The following RBFOX1 variants were observed in gnomAD, a reference collection of about 807,000 sequenced individuals.
RBFOX1 encodes the protein RNA binding fox-1 homolog 1, also known as RNA binding protein fox-1 homolog 1.
Under a neutral mutation model 57.7 loss-of-function variants are expected in RBFOX1, and 8 were observed. That is an observed-to-expected ratio of 0.14 (90% CI 0.08 to 0.25). The LOEUF is 0.25. RBFOX1 is among the 10% of genes least tolerant of loss of function. The pLI is 1.00. For missense variants in RBFOX1, 611 were observed against 548.5 expected (o/e 1.11, Z -1.14); for synonymous variants, 326 against 222.4 (o/e 1.47, Z -4.15).
intron 1 of RBFOX1, among the ~76,000 whole-genome samples, chr16:5,407,852 G>A (rs189774338): frequency 5.0e-4 from 76 of 152,344 alleles, no homozygotes; most frequent in African/African-American, 1.8e-3. Flanking sequence ...CATGGCCCAG[G>A]CCTTTGGGCT....
chr16:7,217,227 G>T (rs924101868), intron 4 of RBFOX1, among the ~76,000 whole-genome samples: 2 of 150,808 alleles, frequency 1.3e-5, no homozygotes, highest in East Asian at 1.9e-4. Context: ...CCCACAGCAG[G>T]AGTAGCTGGG....
At chr16:6,767,947 T>TAAAG (rs1410744665) in intron 3 of RBFOX1, among the ~76,000 whole-genome samples, 48 of 101,046 alleles carry the variant, frequency 4.8e-4, no homozygotes, top group Admixed American at 3.7e-3. Context: ...ATAATAATAA[T>TAAAG]AAGAAGAAGA....
At chr16:6,777,112 C>A (rs2079509091) in intron 3 of RBFOX1, among the ~76,000 whole-genome samples, 1 of 152,054 alleles carries the variant, frequency 6.6e-6, no homozygotes. Flanking sequence ...AAATACGAGT[C>A]TTGGGATTAG....
chr16:7,212,200 C>A (rs902171650), intron 4 of RBFOX1, among the ~76,000 whole-genome samples: 1 of 152,132 alleles, frequency 6.6e-6, no homozygotes, highest in African/African-American at 2.4e-5. Context: ...TGACATAGGT[C>A]TTTTAGGGTC....
At chr16:5,737,440 C>G (rs984766094) in intron 3 of RBFOX1, among the ~76,000 whole-genome samples, 2 of 151,834 alleles carry the variant, frequency 1.3e-5, no homozygotes, top group African/African-American at 2.4e-5. Context: ...GAGTCGAGAT[C>G]ATGCTGCTAC....
intron 4 of RBFOX1, among the ~76,000 whole-genome samples, chr16:5,995,638 A>G (rs1401154029): frequency 6.6e-6 from 1 of 152,224 alleles, no homozygotes; most frequent in African/African-American, 2.4e-5. Flanking sequence ...GAAATCCTGG[A>G]TGCTACAAGT....
At position 6,295,963 on chromosome 16, in the gene RBFOX1, A is replaced by G. The variant is rs773759946; in HGVS notation, c.-126-21032A>G. On this transcript the variant is annotated intron_variant, in intron 1 of 15. Coordinates refer to ENST00000550418, the MANE Select transcript of RBFOX1 (RefSeq NM_018723.4). ...AGCTATTTTATTCACATATGTCTGT[A>G]TGGTTATCATAGAGGGCAGGAATGG... Among the ~76,000 whole-genome samples the G allele has an allele frequency of 2.0e-5, 3 of 152,208 alleles. No homozygotes were observed. The East Asian group carries it at 5.8e-4, about 29-fold the overall frequency.
chr16:5,312,885 G>A (rs563079322), intron 1 of RBFOX1, among the ~76,000 whole-genome samples: 23 of 152,226 alleles, frequency 1.5e-4, no homozygotes, highest in Non-Finnish European at 2.9e-4. Context: ...GCAGATTGCA[G>A]GATCTGATTT....
chr16:6,779,208 C>T (rs1434039049), intron 3 of RBFOX1, among the ~76,000 whole-genome samples: 9 of 152,008 alleles, frequency 5.9e-5, no homozygotes, highest in Non-Finnish European at 5.9e-5. Context: ...CATTATTCTA[C>T]TCTGTATCTC....
chr16:6,002,895 C>T lies in RBFOX1; in HGVS notation c.351+135560C>T, dbSNP rs145775105. On this transcript the variant is annotated intron_variant, in intron 4 of 19. Coordinates refer to the RBFOX1 transcript ENST00000641259. ...TGTGGTATCTGAGATATGCACTCTA[C>T]ACATACTTCCATCCTGTTCTCTGCC... is the stretch of plus-strand genomic sequence containing the variant. Among the ~76,000 whole-genome samples the T allele has an allele frequency of 5.4e-3, 817 of 152,272 alleles. 30 individuals are homozygous for T. The highest frequency in any genetic ancestry group is 0.04 in the Admixed American group (612 of 15,298).
intron 1 of RBFOX1, among the ~76,000 whole-genome samples, chr16:5,395,478 G>C (rs1313391182): frequency 6.6e-6 from 1 of 152,184 alleles, no homozygotes; most frequent in Non-Finnish European, 1.5e-5. Context: ...TCTAATTCCA[G>C]GTCCTCCACT....
rs1567552671 is a variant in RBFOX1 at position 7,504,715 on chromosome 16, A to ATT, written c.28-13431_28-13430insTT. ...CTGTGGAGATGAAGTGAGATTATATATATATATATATATATATATATATAT... is the reference window on the plus strand; with the variant it reads ...CTGTGGAGATGAAGTGAGATTATATATTTATATATATATATATATATATATAT... On this transcript the variant is annotated intron_variant, in intron 4 of 15. Transcript: ENST00000550418. 7.9e-4 allele frequency among the ~76,000 whole-genome samples: 4 copies of ATT among 5,050 alleles called. No homozygotes were observed. The East Asian group carries it at 0.035, about 44-fold the overall frequency. The allele number at this position is 5,050 out of a possible 152,430, so 3.3% of individuals were successfully genotyped here. A position where few individuals can be genotyped will look rare whatever the true frequency, so the allele number is the denominator to read the frequency against.
chr16:7,577,022 A>C (rs1265616296), intron 5 of RBFOX1, among the ~76,000 whole-genome samples: 2 of 152,196 alleles, frequency 1.3e-5, no homozygotes, highest in Admixed American at 6.5e-5. Flanking sequence ...TCGTATTCTC[A>C]GCGGAGAAAA....
chr16:6,829,490 A>AAAAC (rs2092523985), intron 3 of RBFOX1, among the ~76,000 whole-genome samples: 1 of 151,220 alleles, frequency 6.6e-6, no homozygotes, highest in African/African-American at 2.4e-5. Flanking sequence ...TTAAAAAAAA[A>AAAAC]AAAAACAAAA....
chr16:7,409,094 C>G (rs1459247606), intron 4 of RBFOX1, among the ~76,000 whole-genome samples: 1 of 152,188 alleles, frequency 6.6e-6, no homozygotes, highest in Non-Finnish European at 1.5e-5. Flanking sequence ...TCCCGATAAC[C>G]CTGAGCTGCG....
chr16:7,609,314 GGAGTTGCCA>G (rs1198948414), intron 10 of RBFOX1, among the ~76,000 whole-genome samples: 1 of 152,162 alleles, frequency 6.6e-6, no homozygotes, highest in Non-Finnish European at 1.5e-5. Context: ...CCTGTGCGAT[GGAGTTGCCA>G]GTCACCCTTG....
intron 4 of RBFOX1, among the ~76,000 whole-genome samples, chr16:7,319,653 A>T (rs1603619963): frequency 6.6e-6 from 1 of 152,140 alleles, no homozygotes; most frequent in African/African-American, 2.4e-5. Context: ...GAATGTGGGC[A>T]CCTGAGTGTT....
At chr16:6,143,859 A>C (rs2096737390) in intron 1 of RBFOX1, among the ~76,000 whole-genome samples, 1 of 151,860 alleles carries the variant, frequency 6.6e-6, no homozygotes, top group Non-Finnish European at 1.5e-5. Flanking sequence ...ACAGTGGTGC[A>C]TTCACTGCTC....
chr16:7,189,205 C>G (rs932525155), intron 4 of RBFOX1, among the ~76,000 whole-genome samples: 10 of 151,874 alleles, frequency 6.6e-5, no homozygotes, highest in African/African-American at 2.2e-4. Flanking sequence ...GTAGGTAGAT[C>G]ATGAGGTCAG....
Sources: allele counts gnomAD v4.1 joint callset (sites outside exome capture counted in the v4.1 genomes callset), GRCh38; gene constraint gnomAD v4.1.1; transcripts MANE v1.5; gene names NCBI Gene and HGNC (gene_info 2026-07-23, HGNC 2026-07-21).